Variants in CDH8 observed in about 807,000 individuals in gnomAD.
CDH8 encodes the protein cadherin 8.
CDH8 carries 17 observed loss-of-function variants against 68.1 expected under a neutral mutation model. The observed-to-expected ratio is 0.25, with a 90% CI of 0.17 to 0.37. CDH8 has a LOEUF of 0.37. Among genes scored for constraint, CDH8 ranks in the 10% least tolerant of loss-of-function variants. CDH8 has a pLI of 1.00. For missense variants in CDH8, 763 were observed against 999.3 expected (o/e 0.76, Z 3.19); for synonymous variants, 372 against 365.1 (o/e 1.02, Z -0.21).
intron 8 of CDH8, among the ~76,000 whole-genome samples, chr16:61,759,241 G>A (rs1305818635): frequency 6.6e-6 from 1 of 152,038 alleles, no homozygotes; most frequent in Non-Finnish European, 1.5e-5. Flanking sequence ...AGTAAACAAT[G>A]AAAAAATGCT....
At chr16:61,972,902 C>T (rs767896534) in intron 2 of CDH8, among the ~76,000 whole-genome samples, 3 of 152,096 alleles carry the variant, frequency 2.0e-5, no homozygotes, top group Non-Finnish European at 1.5e-5. Context: ...GAGAAAAATG[C>T]AAAGCTCAGT....
At chr16:61,894,864 T>A (rs1207353242) in intron 3 of CDH8, among the ~76,000 whole-genome samples, 2 of 152,128 alleles carry the variant, frequency 1.3e-5, no homozygotes, top group Admixed American at 6.5e-5. Flanking sequence ...AACTATATAT[T>A]TACCTAGTAA....
At chr16:61,727,341 AT>A in intron 8 of CDH8, 126 bp from the exon 9 acceptor site, 1 of 944,378 alleles carries the variant, frequency 1.1e-6, no homozygotes, top group Non-Finnish European at 1.6e-6. Context: ...CAACATGGTG[AT>A]TATAGAGTCT....
chr16:61,821,654 A>G (rs1962217705), intron 5 of CDH8, among the ~76,000 whole-genome samples: 1 of 152,032 alleles, frequency 6.6e-6, no homozygotes, highest in South Asian at 2.1e-4. Flanking sequence ...CAGACACATG[A>G]AACACTCCTC....
chr16:61,684,008 G>T, intron 10 of CDH8, among the ~76,000 whole-genome samples: 1 of 152,000 alleles, frequency 6.6e-6, no homozygotes, highest in East Asian at 1.9e-4. Flanking sequence ...AGACATTTTT[G>T]AGGATACCTT....
At chr16:61,949,218 C>G (rs1045440127) in intron 2 of CDH8, among the ~76,000 whole-genome samples, 1 of 152,058 alleles carries the variant, frequency 6.6e-6, no homozygotes, top group African/African-American at 2.4e-5. Context: ...GAGTTGGGAG[C>G]GTAGAAGGCA....
intron 4 of CDH8, among the ~76,000 whole-genome samples, chr16:61,831,906 A>ACCTTTGTT (rs1350995974): frequency 6.6e-6 from 1 of 151,780 alleles, no homozygotes; most frequent in Non-Finnish European, 1.5e-5. Flanking sequence ...TATCCCCAAA[A>ACCTTTGTT]ACCCTTTCCA....
In CDH8 at chr16:61,817,514, A is replaced by T; in HGVS notation, c.1242T>A (p.Thr414=). Reference sequence around the variant, plus strand: ...TGGAAGTGATATCAGGGTCACGAGCAGTCACTTGCCCAATCACGGAGTTTA... The same window carrying T: ...TGGAAGTGATATCAGGGTCACGAGCTGTCACTTGCCCAATCACGGAGTTTA... The part of the protein sequence containing the change: ...AALNSVIGQV[T]ARDPDITSSP... Residue 414 remains threonine, a synonymous_variant, in exon 7 of 12, where the codon ACT becomes ACA. Transcript: ENST00000577390. The T allele has an allele frequency of 6.2e-7, 1 of 1,613,994 alleles. No homozygotes were observed. Among genetic ancestry groups the T allele is most frequent in the Non-Finnish European group, 8.5e-7 (1 of 1,179,946 alleles).
At chr16:61,694,771 G>A (rs933110040) in intron 10 of CDH8, among the ~76,000 whole-genome samples, 1 of 151,408 alleles carries the variant, frequency 6.6e-6, no homozygotes, top group Non-Finnish European at 1.5e-5. Context: ...GTTGCTGTTG[G>A]TGGTGGTGGT....
chr16:61,775,604 C>T (rs979040313), intron 8 of CDH8, among the ~76,000 whole-genome samples: 2 of 152,004 alleles, frequency 1.3e-5, no homozygotes, highest in Non-Finnish European at 2.9e-5. Context: ...GCTTGCTCAC[C>T]GGGGCTTCCT....
chr16:61,683,980 C>T (rs1206804336), intron 10 of CDH8, among the ~76,000 whole-genome samples: 1 of 151,946 alleles, frequency 6.6e-6, no homozygotes, highest in Non-Finnish European at 1.5e-5. Context: ...CTAGAAAAGC[C>T]AGTTGAAGAC....
At chr16:62,018,050 C>G (rs1307104683) in intron 2 of CDH8, among the ~76,000 whole-genome samples, 1 of 152,174 alleles carries the variant, frequency 6.6e-6, no homozygotes, top group East Asian at 1.9e-4. Context: ...ATAGCAGGCA[C>G]TATGCTTCTA....
At chr16:61,922,062 C>T (rs1964378326) in intron 2 of CDH8, among the ~76,000 whole-genome samples, 1 of 152,062 alleles carries the variant, frequency 6.6e-6, no homozygotes, top group Admixed American at 6.6e-5. Context: ...GATTCTAAGC[C>T]ACCTCTTCAG....
intron 8 of CDH8, among the ~76,000 whole-genome samples, chr16:61,765,441 G>C (rs1960565387): frequency 6.6e-6 from 1 of 151,936 alleles, no homozygotes; most frequent in Non-Finnish European, 1.5e-5. Context: ...AAAATTAGTT[G>C]AGATACTCAT....
At chr16:62,023,094 T>G (rs1567572863) in intron 1 of CDH8, among the ~76,000 whole-genome samples, 2 of 152,184 alleles carry the variant, frequency 1.3e-5, no homozygotes, top group Non-Finnish European at 2.9e-5. Context: ...CAGATTCCCC[T>G]TAAGTCTTTC....
intron 2 of CDH8, among the ~76,000 whole-genome samples, chr16:61,915,545 G>A (rs182434103): frequency 2.0e-5 from 3 of 152,256 alleles, no homozygotes; most frequent in African/African-American, 7.2e-5. Flanking sequence ...AACCAAGTAC[G>A]GGACAGAAAA....
intron 10 of CDH8, among the ~76,000 whole-genome samples, chr16:61,706,659 G>C (rs990842124): frequency 1.4e-5 from 2 of 147,122 alleles, no homozygotes; most frequent in Non-Finnish European, 1.5e-5. Context: ...AACTGGCTTG[G>C]CATGTTCAAA....
chr16:61,768,357 TCTCTCTCTCTCC>T (rs1567461137), intron 8 of CDH8, among the ~76,000 whole-genome samples: 27 of 103,738 alleles, frequency 2.6e-4, no homozygotes, highest in Non-Finnish European at 3.2e-4. Context: ...TCTCTCTCTC[TCTCTCTCTCTCC>T]CTTTCTCTCT....
intron 9 of CDH8, among the ~76,000 whole-genome samples, chr16:61,715,349 T>A (rs2142871572): frequency 6.6e-6 from 1 of 151,748 alleles, no homozygotes; most frequent in East Asian, 1.9e-4. Context: ...AAGATAAAAG[T>A]CACAGCTCTG....
Sources: gnomAD v4.1 joint callset for allele counts (sites outside exome capture counted in the v4.1 genomes callset) on GRCh38, gnomAD v4.1.1 for gene constraint, MANE v1.5 for transcripts, NCBI Gene and HGNC (gene_info 2026-07-23, HGNC 2026-07-21) for gene names.